Variants in PINX1 observed in about 807,000 individuals in gnomAD.
The protein encoded by PINX1 is PIN2 (TERF1) interacting telomerase inhibitor 1.
A neutral mutation model predicts 25.4 loss-of-function variants in PINX1; 34 were observed. The observed-to-expected ratio is 1.34, with a 90% confidence interval of 1.02 to 1.78. The LOEUF (loss-of-function observed/expected upper bound fraction) is 1.78. Ranked by LOEUF, PINX1 falls within the 40% of genes most tolerant of loss-of-function variation. The pLI, the probability that PINX1 is intolerant of heterozygous loss-of-function variation, is 0.00. For missense variants in PINX1, 592 were observed against 404.9 expected (o/e 1.46, Z -3.97); for synonymous variants, 197 against 147.7 (o/e 1.33, Z -2.42).
intron 6 of PINX1, among the ~76,000 whole-genome samples, chr8:10,796,120 T>C (rs1307052474): frequency 6.6e-6 from 1 of 152,178 alleles, no homozygotes; most frequent in East Asian, 1.9e-4. Flanking sequence ...TGGGAGATTC[T>C]GAAAAGCGCA....
At chr8:10,783,006 A>G (rs1054608040) in intron 6 of PINX1, among the ~76,000 whole-genome samples, 7 of 152,196 alleles carry the variant, frequency 4.6e-5, no homozygotes, top group Non-Finnish European at 8.8e-5. Flanking sequence ...ACACATTCCA[A>G]ATTTCATTCT....
Position 10,827,273 on chromosome 8 carries a change from G to T in PINX1, c.302-1029C>A, listed in dbSNP as rs138834626. The stretch of plus-strand genomic sequence containing the variant: ...AGATGACGATTAGGTGACGCATGGA[G>T]GAGCAGCAATAGCTCCAAGCCACCT... On this transcript the variant is annotated intron_variant, in intron 4 of 6. Transcript: ENST00000314787. 5.0e-3 allele frequency among the ~76,000 whole-genome samples: 769 copies of T among 152,292 alleles called. 6 individuals carry two copies. Among genetic ancestry groups the T allele is most frequent in the African/African-American group, 0.017 (719 of 41,560 alleles).
In PINX1 at chr8:10,802,116, T is replaced by C. The variant is rs561317835; in HGVS notation, c.471+18077A>G. ...GAAATGAACAAGTTAAAAAGGTAGT[T>C]TGGGGGACGGAAGAGCAAAGGGAAA... is the stretch of plus-strand genomic sequence containing the variant. On this transcript the variant is annotated intron_variant, in intron 6 of 6. Transcript: ENST00000314787. Among the ~76,000 whole-genome samples, 4 of 152,156 alleles carry C rather than the reference T, an allele frequency of 2.6e-5. No homozygotes were observed. The South Asian group carries it at 8.3e-4, about 32-fold the overall frequency.
intron 6 of PINX1, among the ~76,000 whole-genome samples, chr8:10,817,839 C>T (rs1222306704): frequency 6.6e-6 from 1 of 152,230 alleles, no homozygotes; most frequent in African/African-American, 2.4e-5. Context: ...CAGAAGCTCT[C>T]AGTACAGCTG....
intron 6 of PINX1, among the ~76,000 whole-genome samples, chr8:10,792,087 G>A (rs911401759): frequency 1.3e-5 from 2 of 152,196 alleles, no homozygotes; most frequent in Non-Finnish European, 2.9e-5. Context: ...TCAGCTATTG[G>A]AGTCTGAGTC....
chr8:10,808,548 T>C (rs1042787674), intron 6 of PINX1, among the ~76,000 whole-genome samples: 9 of 152,366 alleles, frequency 5.9e-5, no homozygotes, highest in East Asian at 3.9e-4. Flanking sequence ...ACAGTCCTAA[T>C]AGATGATGTT....
At chr8:10,783,744 G>C (rs1293953999) in intron 6 of PINX1, among the ~76,000 whole-genome samples, 1 of 152,226 alleles carries the variant, frequency 6.6e-6, no homozygotes, top group East Asian at 1.9e-4. Context: ...AAAGGAATTG[G>C]AGGGGAGAGG....
At chr8:10,784,322 C>T (rs568748968) in intron 6 of PINX1, among the ~76,000 whole-genome samples, 1 of 152,336 alleles carries the variant, frequency 6.6e-6, no homozygotes, top group East Asian at 1.9e-4. Flanking sequence ...TCCTTAGGAT[C>T]ACAAAGTAAG....
intron 6 of PINX1, among the ~76,000 whole-genome samples, chr8:10,775,078 C>T (rs1287228790): frequency 6.6e-6 from 1 of 152,200 alleles, no homozygotes; most frequent in African/African-American, 2.4e-5. Flanking sequence ...ACCAGTTACA[C>T]TGAGACTGTA....
chr8:10,832,081 C>T (rs1038770146), intron 3 of PINX1, among the ~76,000 whole-genome samples: 2 of 151,980 alleles, frequency 1.3e-5, no homozygotes, highest in Admixed American at 1.3e-4. Flanking sequence ...ATTTTTTTCT[C>T]ACTAGGGGAA....
At chr8:10,834,443 G>T in intron 2 of PINX1, 1 of 600,056 alleles carries the variant, frequency 1.7e-6, no homozygotes, top group Admixed American at 3.4e-5. Context: ...TAGTTGCAAT[G>T]TCTATGAAAG....
chr8:10,778,974 TG>T (rs1164887756), intron 6 of PINX1, among the ~76,000 whole-genome samples: 1 of 152,212 alleles, frequency 6.6e-6, no homozygotes, highest in Non-Finnish European at 1.5e-5. Context: ...AGAGCGCCTC[TG>T]GGAGGAGAGG....
intron 6 of PINX1, among the ~76,000 whole-genome samples, chr8:10,801,723 G>C (rs142741044): frequency 5.5e-4 from 83 of 152,286 alleles, no homozygotes; most frequent in African/African-American, 2.0e-3. Context: ...CAGAACTACA[G>C]CAAACCACCT....
In PINX1 at chr8:10,826,179, G is replaced by T. The variant is rs748016585; in HGVS notation, c.367C>A (p.Arg123Ser). 39 of 1,584,406 alleles carry T rather than the reference G, an allele frequency of 2.5e-5. No homozygotes were observed. Among genetic ancestry groups the T allele is most frequent in the Non-Finnish European group, 3.3e-5 (38 of 1,156,586 alleles). ...TTTGTGAATTTCATATAGTGAACAC[G>T]GTTTTTGGAGATTTTGGACTTTTCC... ...LEEKSKISKN[R>S]VHYMKFTKGK... is the part of the protein sequence containing the mutation. Residue 123 changes from arginine (R) to serine (S), a missense_variant, in exon 5 of 7, where the codon CGT (arginine) becomes AGT (serine). Physicochemically the swap from Arg to Ser is moderately radical, Grantham distance 110. Coordinates refer to ENST00000314787, the MANE Select transcript of PINX1 (RefSeq NM_017884.6).
chr8:10,820,369 G>C, intron 5 of PINX1, 100 bp from the exon 6 acceptor site: 1 of 789,882 alleles, frequency 1.3e-6, no homozygotes, highest in East Asian at 2.6e-5. Context: ...TGGCTTTTGG[G>C]AAAGAAAGAA....
intron 6 of PINX1, among the ~76,000 whole-genome samples, chr8:10,815,477 A>AGT (rs1797669896): frequency 6.6e-6 from 1 of 152,258 alleles, no homozygotes; most frequent in African/African-American, 2.4e-5. Context: ...CGCACAAAGA[A>AGT]AATTTACATT....
intron 6 of PINX1, among the ~76,000 whole-genome samples, chr8:10,819,325 T>C (rs1797795086): frequency 6.6e-6 from 1 of 152,162 alleles, no homozygotes; most frequent in African/African-American, 2.4e-5. Flanking sequence ...ATGCCAGGAA[T>C]CAATAAACCA....
intron 6 of PINX1, among the ~76,000 whole-genome samples, chr8:10,782,108 G>T (rs895251250): frequency 6.6e-6 from 1 of 152,230 alleles, no homozygotes; most frequent in African/African-American, 2.4e-5. Context: ...AACATTGCAT[G>T]ATCTCACTGA....
At chr8:10,819,631 T>C (rs1586192571) in intron 6 of PINX1, among the ~76,000 whole-genome samples, 3 of 152,376 alleles carry the variant, frequency 2.0e-5, no homozygotes, top group East Asian at 1.9e-4. Flanking sequence ...GTTCATTCCA[T>C]TGAGGGTGTA....
Sources: gnomAD v4.1 joint callset for allele counts (sites outside exome capture counted in the v4.1 genomes callset) on GRCh38, gnomAD v4.1.1 for gene constraint, MANE v1.5 for transcripts, NCBI Gene and HGNC (gene_info 2026-07-23, HGNC 2026-07-21) for gene names.